SH3GL3: variants seen among roughly 807,000 people sequenced by gnomAD.
SH3GL3 encodes endophilin-A3.
SH3GL3 carries 33 observed loss-of-function variants against 47.7 expected under a neutral mutation model. The observed-to-expected ratio is 0.69, with a 90% CI of 0.52 to 0.92. The LOEUF is 0.92. SH3GL3 is among the 40% of genes least tolerant of loss of function. The pLI is 0.00. For missense variants in SH3GL3, 363 were observed against 417.8 expected, an observed-to-expected ratio of 0.87 and a Z score of 1.14; for synonymous variants, 155 against 148.8, an observed-to-expected ratio of 1.04 and a Z score of -0.30.
chr15:83,530,122 G>T (rs573053516), intron 1 of SH3GL3, among the ~76,000 whole-genome samples: 1 of 152,274 alleles, frequency 6.6e-6, no homozygotes, highest in African/African-American at 2.4e-5. Flanking sequence ...AGGGGCTATG[G>T]CATCCCAGGG....
intron 1 of SH3GL3, among the ~76,000 whole-genome samples, chr15:83,480,768 A>G (rs1045625170): frequency 9.9e-5 from 15 of 152,258 alleles, no homozygotes; most frequent in African/African-American, 3.6e-4. Context: ...TATTATAAGT[A>G]ATCTGGAGAC....
intron 1 of SH3GL3, among the ~76,000 whole-genome samples, chr15:83,528,203 G>C (rs1274529573): frequency 6.6e-6 from 1 of 152,150 alleles, no homozygotes; most frequent in Non-Finnish European, 1.5e-5. Context: ...TATGTGACTA[G>C]ATGCTTTTCT....
chr15:83,512,615 C>T (rs1240906819), intron 1 of SH3GL3, among the ~76,000 whole-genome samples: 3 of 152,144 alleles, frequency 2.0e-5, no homozygotes, highest in East Asian at 3.9e-4. Context: ...AAACAAAAGG[C>T]GCCAGAGTGG....
At chr15:83,515,021 G>A (rs1414568578) in intron 1 of SH3GL3, among the ~76,000 whole-genome samples, 1 of 152,122 alleles carries the variant, frequency 6.6e-6, no homozygotes, top group Non-Finnish European at 1.5e-5. Flanking sequence ...GCAAGGACAC[G>A]GATCCTCTCT....
intron 1 of SH3GL3, among the ~76,000 whole-genome samples, chr15:83,558,279 A>T (rs1217864710): frequency 6.6e-6 from 1 of 151,944 alleles, no homozygotes; most frequent in Non-Finnish European, 1.5e-5. Context: ...CTCTTTAGGG[A>T]TCTCTCACTC....
intron 8 of SH3GL3, among the ~76,000 whole-genome samples, chr15:83,605,810 C>CCT (rs1308718147): frequency 2.0e-5 from 3 of 152,108 alleles, no homozygotes; most frequent in Non-Finnish European, 4.4e-5. Flanking sequence ...GTAAGCTGCC[C>CCT]CTCTGTCCCC....
At chr15:83,488,529 C>A (rs2041713956) in intron 1 of SH3GL3, among the ~76,000 whole-genome samples, 1 of 152,198 alleles carries the variant, frequency 6.6e-6, no homozygotes, top group Admixed American at 6.5e-5. Flanking sequence ...CCACATGGTG[C>A]TCTTTGTATG....
intron 1 of SH3GL3, among the ~76,000 whole-genome samples, chr15:83,500,718 T>C (rs756883010): frequency 9.2e-5 from 14 of 152,238 alleles, no homozygotes; most frequent in Non-Finnish European, 2.1e-4. Context: ...GAGGTGCAGT[T>C]TCTTCTTGCA....
chr15:83,450,365 A>G (rs1016091872), intron 1 of SH3GL3, among the ~76,000 whole-genome samples: 8 of 152,222 alleles, frequency 5.3e-5, no homozygotes. Context: ...TAAGTTAAGC[A>G]TTTCAGAGTA....
intron 8 of SH3GL3, among the ~76,000 whole-genome samples, chr15:83,595,807 T>A (rs1299374444): frequency 6.6e-6 from 1 of 152,292 alleles, no homozygotes; most frequent in South Asian, 2.1e-4. Flanking sequence ...TCTGTTATTA[T>A]CCTTTTAAGA....
intron 1 of SH3GL3, among the ~76,000 whole-genome samples, chr15:83,537,377 A>G (rs900421297): frequency 6.6e-6 from 1 of 152,090 alleles, no homozygotes; most frequent in African/African-American, 2.4e-5. Context: ...CTAATATTTA[A>G]TGAGACTTAA....
Position 83,610,751 on chromosome 15 carries a change from A to G in SH3GL3, c.839-7331A>G, listed in dbSNP as rs570043200. On this transcript the variant is annotated intron_variant, in intron 8 of 8. Transcript: ENST00000427482. ...TTGGGGGAAATAGTGGTACCTACTC[A>G]TAGGATTTCTCTGGGAATTAAATCC... Among the ~76,000 whole-genome samples, 6 of 152,272 alleles carry G rather than the reference A, an allele frequency of 3.9e-5. No homozygotes were observed. In the South Asian group the frequency reaches 1.0e-3, roughly 26 times the overall value.
intron 6 of SH3GL3, among the ~76,000 whole-genome samples, chr15:83,586,541 T>C (rs2059960294): frequency 6.6e-6 from 1 of 152,346 alleles, no homozygotes; most frequent in Non-Finnish European, 1.5e-5. Flanking sequence ...AGTTCTTAAC[T>C]GTTTAATGTA....
chr15:83,579,621 A>G (rs547730969), intron 6 of SH3GL3, among the ~76,000 whole-genome samples: 1 of 152,264 alleles, frequency 6.6e-6, no homozygotes, highest in East Asian at 1.9e-4. Flanking sequence ...GGTGATAATG[A>G]TGATGACAAT....
At chr15:83,506,049 G>T (rs1294207372) in intron 1 of SH3GL3, among the ~76,000 whole-genome samples, 1 of 151,942 alleles carries the variant, frequency 6.6e-6, no homozygotes, top group East Asian at 1.9e-4. Flanking sequence ...CTGTAATAGG[G>T]TTTATTAATC....
chr15:83,633,487 C>T, the SH3GL3 span, among the ~76,000 whole-genome samples: 2 of 152,284 alleles, frequency 1.3e-5, no homozygotes, highest in East Asian at 3.9e-4. Context: ...ACCTCTTCCA[C>T]CAGAAGATTG....
intron 2 of SH3GL3, among the ~76,000 whole-genome samples, chr15:83,560,779 A>G (rs1403627424): frequency 6.6e-6 from 1 of 152,214 alleles, no homozygotes; most frequent in African/African-American, 2.4e-5. Context: ...TGATACAGAA[A>G]TGAGAAAGTA....
chr15:83,570,108 C>A (rs1050178425), intron 4 of SH3GL3, among the ~76,000 whole-genome samples: 1 of 152,086 alleles, frequency 6.6e-6, no homozygotes, highest in Non-Finnish European at 1.5e-5. Context: ...ATGATATAAA[C>A]GTTTATTTAT....
chr15:83,618,811 C>G, downstream of SH3GL3: 1 of 163,324 alleles, frequency 6.1e-6, no homozygotes, highest in East Asian at 1.7e-4. Flanking sequence ...AAACTCACAC[C>G]CCATGGCCAA....
Sources: allele counts gnomAD v4.1 joint callset (sites outside exome capture counted in the v4.1 genomes callset), GRCh38; gene constraint gnomAD v4.1.1; transcripts MANE v1.5; gene names NCBI Gene and HGNC (gene_info 2026-07-23, HGNC 2026-07-21).